Variants in EXOC2 observed in about 807,000 individuals in gnomAD.
The protein encoded by EXOC2 is SEC5-like 1.
EXOC2 carries 70 observed loss-of-function variants against 131.8 expected under a neutral mutation model. That is an observed-to-expected ratio of 0.53 (90% CI 0.44 to 0.65). EXOC2 has a LOEUF of 0.65. EXOC2 is among the 30% of genes least tolerant of loss of function. The pLI, the probability that EXOC2 is intolerant of heterozygous loss-of-function variation, is 0.00. For synonymous variants in EXOC2, 411 were observed against 398.4 expected (o/e 1.03, Z -0.38); for missense variants, 923 against 1,108.6 (o/e 0.83, Z 2.38).
chr6:630,933 G>C (rs1761813960), intron 3 of EXOC2, among the ~76,000 whole-genome samples: 1 of 152,208 alleles, frequency 6.6e-6, no homozygotes, highest in Admixed American at 6.5e-5. Context: ...GACAACATAA[G>C]CTCTAAAAAC....
intron 17 of EXOC2, among the ~76,000 whole-genome samples, chr6:557,193 G>T (rs1184882044): frequency 6.6e-6 from 1 of 152,126 alleles, no homozygotes; most frequent in Admixed American, 6.5e-5. Context: ...GAAGATACAG[G>T]AATAAGTAAG....
chr6:656,379 A>T, intron 1 of EXOC2: 1 of 1,614,184 alleles, frequency 6.2e-7, no homozygotes, highest in Non-Finnish European at 8.5e-7. Flanking sequence ...ACTCAGGGTC[A>T]TCCTGCCACT....
intron 23 of EXOC2, among the ~76,000 whole-genome samples, chr6:522,427 T>C (rs1016900255): frequency 7.7e-6 from 1 of 129,878 alleles, no homozygotes; most frequent in African/African-American, 3.1e-5. Context: ...GGTGAAATGA[T>C]GGGGACAGCA....
intron 21 of EXOC2, among the ~76,000 whole-genome samples, chr6:550,530 G>A (rs1024411479): frequency 1.3e-5 from 2 of 152,144 alleles, no homozygotes; most frequent in African/African-American, 2.4e-5. Context: ...TCAAACAAGC[G>A]AACGGCCTTG....
chr6:640,025 A>C (rs1762284630), intron 1 of EXOC2, among the ~76,000 whole-genome samples: 1 of 152,250 alleles, frequency 6.6e-6, no homozygotes, highest in African/African-American at 2.4e-5. Context: ...GGTAGTTAAT[A>C]AATAATTCTG....
chr6:572,445 A>C, intron 13 of EXOC2, 75 bp downstream of exon 13: 1 of 1,518,438 alleles, frequency 6.6e-7, no homozygotes, highest in South Asian at 1.3e-5. Context: ...TTAAAAAATC[A>C]CTTAAATCTA....
chr6:640,521 C>G (rs147274974), intron 1 of EXOC2, among the ~76,000 whole-genome samples: 2 of 152,308 alleles, frequency 1.3e-5, no homozygotes, highest in East Asian at 3.9e-4. Flanking sequence ...AAACCCAGCC[C>G]CAGTACCCCA....
chr6:498,770 C>T (rs961016069), intron 24 of EXOC2, among the ~76,000 whole-genome samples: 34 of 152,224 alleles, frequency 2.2e-4, no homozygotes, highest in Middle Eastern at 3.4e-3. Context: ...ATGCAGCAGG[C>T]GGCATAAACC....
At chr6:648,012 G>GT in intron 1 of EXOC2, among the ~76,000 whole-genome samples, 1 of 152,132 alleles carries the variant, frequency 6.6e-6, no homozygotes, top group East Asian at 1.9e-4. Context: ...TGCAACAATC[G>GT]TATTTCCTTA....
intron 17 of EXOC2, among the ~76,000 whole-genome samples, chr6:561,662 T>C (rs1726388963): frequency 1.3e-5 from 2 of 152,290 alleles, no homozygotes; most frequent in Non-Finnish European, 2.9e-5. Context: ...CTCGGCTCAC[T>C]GCAATCTCTG....
chr6:623,149 C>T (rs747143610), intron 4 of EXOC2, among the ~76,000 whole-genome samples: 22 of 152,208 alleles, frequency 1.4e-4, no homozygotes, highest in Non-Finnish European at 3.1e-4. Flanking sequence ...ATGAACATCC[C>T]GTGCACCACA....
intron 4 of EXOC2, among the ~76,000 whole-genome samples, chr6:620,535 A>G (rs1234567702): frequency 6.6e-6 from 1 of 152,218 alleles, no homozygotes; most frequent in Non-Finnish European, 1.5e-5. Flanking sequence ...GACACAGATC[A>G]TTTGATAGGG....
chr6:544,034 A>G (rs552809393), intron 22 of EXOC2, among the ~76,000 whole-genome samples: 1 of 152,372 alleles, frequency 6.6e-6, no homozygotes, highest in African/African-American at 2.4e-5. Context: ...TCAAATGCTC[A>G]GAGAACAGAA....
chr6:572,406 G>A (rs188541872), intron 13 of EXOC2, 114 bp downstream of exon 13: 19 of 1,305,706 alleles, frequency 1.5e-5, no homozygotes, highest in South Asian at 6.3e-5. Flanking sequence ...AAACTATGAC[G>A]ATGGCTAGAG....
intron 1 of EXOC2, chr6:657,051 GC>G: frequency 1.1e-6 from 1 of 947,830 alleles, no homozygotes; most frequent in Non-Finnish European, 1.5e-6. Context: ...CCTCCCTCCG[GC>G]CCCCCAGCTA....
At chr6:613,361 G>T (rs1760813025) in intron 6 of EXOC2, among the ~76,000 whole-genome samples, 1 of 152,044 alleles carries the variant, frequency 6.6e-6, no homozygotes, top group Admixed American at 6.6e-5. Flanking sequence ...ATACCGGGTT[G>T]GGATGGACTG....
At chr6:498,764 A>G (rs1467387942) in intron 24 of EXOC2, among the ~76,000 whole-genome samples, 1 of 152,182 alleles carries the variant, frequency 6.6e-6, no homozygotes, top group Non-Finnish European at 1.5e-5. Context: ...TTTTGGATGC[A>G]GCAGGCGGCA....
At chr6:489,781 G>C (rs929846916) in intron 26 of EXOC2, among the ~76,000 whole-genome samples, 1 of 152,174 alleles carries the variant, frequency 6.6e-6, no homozygotes, top group Non-Finnish European at 1.5e-5. Flanking sequence ...ACTTTAGGGG[G>C]TCGTTGCTTT....
chr6:556,880 TA>T (rs1283732443), intron 17 of EXOC2, among the ~76,000 whole-genome samples: 1 of 152,234 alleles, frequency 6.6e-6, no homozygotes, highest in Non-Finnish European at 1.5e-5. Context: ...GAGGAGCAGA[TA>T]TAATGAGTTT....
Sources: allele counts gnomAD v4.1 joint callset (sites outside exome capture counted in the v4.1 genomes callset), GRCh38; gene constraint gnomAD v4.1.1; transcripts MANE v1.5; gene names NCBI Gene and HGNC (gene_info 2026-07-23, HGNC 2026-07-21).